The following SP5 variants were observed in gnomAD, a reference collection of about 807,000 sequenced individuals.
SP5 encodes the protein Sp5 transcription factor.
A neutral mutation model predicts 27.4 loss-of-function variants in SP5; 12 were observed. That is an observed-to-expected ratio of 0.44 (90% confidence interval 0.28 to 0.71). The LOEUF (loss-of-function observed/expected upper bound fraction) is 0.71. Ranked by LOEUF, SP5 falls within the 30% of genes least tolerant of loss-of-function variation. SP5 has a pLI of 0.15. For synonymous variants in SP5, 330 were observed against 290.7 expected (o/e 1.14, Z -1.38); for missense variants, 660 against 589.8 (o/e 1.12, Z -1.23).
chr2:170,716,623 C>A lies in SP5; in HGVS notation c.416C>A (p.Pro139His). The A allele has an allele frequency of 1.2e-6, 2 of 1,607,856 alleles. No individual in the cohort carries two copies. The highest frequency in any genetic ancestry group is 8.5e-7 in the Non-Finnish European group (1 of 1,178,206). ...KMLPSSMAAL[P>H]ASCAPAYVPY... ...CTGCCCTCGAGCATGGCGGCTCTGC[C>A]CGCCAGCTGCGCGCCCGCCTACGTG... Residue 139 changes from proline to histidine, a missense_variant, in exon 2 of 2, where the codon CCC becomes CAC. By Grantham distance (77) the Pro-to-His change is moderately conservative. Coordinates refer to ENST00000375281, the MANE Select transcript of SP5 (RefSeq NM_001003845.3).
intron 1 of SP5, chr2:170,715,897 A>G (rs1420713494): frequency 7.5e-7 from 1 of 1,326,858 alleles, no homozygotes; most frequent in Non-Finnish European, 9.6e-7. Context: ...TGGGAGGGAG[A>G]GCGGCCGGCC....
Position 170,717,181 on chromosome 2 carries a change from C to T in SP5, c.974C>T (p.Pro325Leu), listed in dbSNP as rs1030444920. The change falls in exon 2 of 2, where the codon CCC (proline) becomes CTC (leucine). Residue 325 changes from proline to leucine, a missense_variant. Physicochemically the swap from Pro to Leu is moderately conservative, Grantham distance 98. Transcript: ENST00000375281. Reference protein sequence around the residue: ...AHLRWHTGERPFVCNWLFCGK... With the variant: ...AHLRWHTGERLFVCNWLFCGK... ...CTGCGCTGGCACACGGGCGAGCGAC[C>T]CTTCGTGTGCAACTGGCTCTTCTGC... 3.1e-6 allele frequency: 5 copies of T among 1,607,900 alleles called. No homozygotes were observed. Among genetic ancestry groups the T allele is most frequent in the Non-Finnish European group, 4.2e-6 (5 of 1,178,050 alleles).
At position 170,717,263 on chromosome 2, in the gene SP5, C is replaced by G; in HGVS notation, c.1056C>G (p.Gly352=). The G allele has an allele frequency of 3.7e-6, 6 of 1,609,722 alleles. No homozygotes were observed. Among genetic ancestry groups the G allele is most frequent in the Non-Finnish European group, 4.2e-6 (5 of 1,179,490 alleles). The change falls in exon 2 of 2, where the codon GGC becomes GGG. Residue 352 remains glycine (G), a synonymous_variant. Transcript: ENST00000375281. ...ELQRHLRTHT[G]EKRFACPECG... is the part of the protein sequence containing the mutation. ...AGCGGCACCTGCGGACTCACACGGG[C>G]GAGAAGCGCTTTGCCTGTCCCGAGT...
In SP5 at chr2:170,716,927, G is replaced by A. The variant is rs1426358878; in HGVS notation, c.720G>A (p.Leu240=). 4 of 1,546,240 alleles carry A rather than the reference G, an allele frequency of 2.6e-6. No homozygotes were observed. The highest frequency in any genetic ancestry group is 3.5e-6 in the Non-Finnish European group (4 of 1,145,834). The change falls in exon 2 of 2, where the codon CTG becomes CTA. Residue 240 remains leucine, a synonymous_variant. Coordinates refer to ENST00000375281, the MANE Select transcript of SP5 (RefSeq NM_001003845.3). ...AAAAAALQRG[L]VLGPSDFAQY... ...CCGCCGCCGCCCTACAAAGAGGCCT[G>A]GTGTTGGGCCCGTCGGACTTTGCGC...
At position 170,716,851 on chromosome 2, in the gene SP5, G is replaced by C; in HGVS notation, c.644G>C (p.Gly215Ala). ...PGSGLSGACA[G>A]APHAPRFPAS... ...AGCGGCCTCTCCGGCGCCTGTGCCG[G>C]GGCCCCCCACGCGCCCCGCTTCCCC... Residue 215 changes from glycine (G) to alanine (A), a missense_variant, in exon 2 of 2, where the codon GGG (glycine) becomes GCG (alanine). Physicochemically the swap from Gly to Ala is moderately conservative, Grantham distance 60. Coordinates refer to ENST00000375281, the MANE Select transcript of SP5 (RefSeq NM_001003845.3). 1 of 1,444,434 alleles carries C rather than the reference G, an allele frequency of 6.9e-7. No individual in the cohort carries two copies. Among genetic ancestry groups the C allele is most frequent in the Non-Finnish European group, 9.1e-7 (1 of 1,103,050 alleles). 89.5% of individuals were successfully genotyped at this position (1,444,434 alleles called of 1,614,324 possible). A position where few individuals can be genotyped will look rare whatever the true frequency, so the allele number is the denominator to read the frequency against.
Position 170,716,695 on chromosome 2 carries a change from T to TGCCTCCGCC in SP5, c.492_500dup (p.Pro171_Pro173dup), listed in dbSNP as rs1553561434. 6.5e-7 allele frequency: 1 copy of TGCCTCCGCC among 1,535,772 alleles called. No individual in the cohort carries two copies. Among genetic ancestry groups the TGCCTCCGCC allele is most frequent in the Non-Finnish European group, 8.7e-7 (1 of 1,150,682 alleles). On this transcript the variant is annotated inframe_insertion, in exon 2 of 2. Transcript: ENST00000375281. ...CTGCCGCCAGGCTACTCCAACCTGC[T>TGCCTCCGCC]GCCTCCGCCGCCGCCACCGCCCCCG...
chr2:170,716,867 C>T lies in SP5; in HGVS notation c.660C>T (p.Pro220=). The change falls in exon 2 of 2, where the codon CCC becomes CCT. Residue 220 remains proline (P), a synonymous_variant. Transcript: ENST00000375281. ...SGACAGAPHA[P]RFPASAAAAA... is the part of the protein sequence containing the mutation. ...CCTGTGCCGGGGCCCCCCACGCGCCCCGCTTCCCCGCCTCTGCGGCCGCTG... is the reference window on the plus strand; with the variant it reads ...CCTGTGCCGGGGCCCCCCACGCGCCTCGCTTCCCCGCCTCTGCGGCCGCTG... 6.8e-7 allele frequency: 1 copy of T among 1,469,574 alleles called. No homozygotes were observed. The highest frequency in any genetic ancestry group is 9.0e-7 in the Non-Finnish European group (1 of 1,114,070). The allele number at this position is 1,469,574 out of a possible 1,614,324, so 91.0% of individuals were successfully genotyped here. A position where few individuals can be genotyped will look rare whatever the true frequency, so the allele number is the denominator to read the frequency against.
At position 170,716,369 on chromosome 2, in the gene SP5, C is replaced by T; in HGVS notation, c.162C>T (p.Phe54=). The T allele has an allele frequency of 1.3e-6, 2 of 1,597,150 alleles. No individual in the cohort carries two copies. Among genetic ancestry groups the T allele is most frequent in the Admixed American group, 1.7e-5 (1 of 59,864 alleles). Residue 54 remains phenylalanine, a synonymous_variant, in exon 2 of 2, where the codon TTC becomes TTT. Coordinates refer to ENST00000375281, the MANE Select transcript of SP5 (RefSeq NM_001003845.3). ...GQPGAAAPPD[F]LQVPYDPALG... ...CGGGCGCGGCGGCGCCCCCGGACTT[C>T]CTGCAGGTGCCCTACGACCCCGCGC...
In SP5 at chr2:170,715,592, GA is replaced by G. The variant is rs1360301309; in HGVS notation, c.51+32del. On this transcript the variant is annotated intron_variant, in intron 1 of 1. Coordinates refer to ENST00000375281, the MANE Select transcript of SP5 (RefSeq NM_001003845.3). ...AGGGCCGAGCCCGGAGGGGGCGGGA[GA>G]AAGGTGGAAAGGGCCGTGTCCGGAT... 4 of 1,544,440 alleles carry G rather than the reference GA, an allele frequency of 2.6e-6. No homozygotes were observed. The African/African-American group carries it at 4.2e-5, about 16-fold the overall frequency.
chr2:170,715,442 C>T lies in SP5; in HGVS notation c.-71C>T. Reference sequence around the variant, plus strand: ...GGAGGCAGGCTGGGCGGCCCTTCGTCCTCGCCTTCGGGTGTCCATGCCTCG... The same window carrying T: ...GGAGGCAGGCTGGGCGGCCCTTCGTTCTCGCCTTCGGGTGTCCATGCCTCG... On this transcript the variant is annotated 5_prime_UTR_variant, in exon 1 of 2. Coordinates refer to ENST00000375281, the MANE Select transcript of SP5 (RefSeq NM_001003845.3). The T allele has an allele frequency of 6.5e-7, 1 of 1,530,848 alleles. No homozygotes were observed. The highest frequency in any genetic ancestry group is 8.8e-7 in the Non-Finnish European group (1 of 1,138,674). The allele number at this position is 1,530,848 out of a possible 1,614,324, so 94.8% of individuals were successfully genotyped here. A position where few individuals can be genotyped will look rare whatever the true frequency, so the allele number is the denominator to read the frequency against.
chr2:170,717,722 A>G lies in SP5; in HGVS notation c.*318A>G. 1 of 448,518 alleles carries G rather than the reference A, an allele frequency of 2.2e-6. No individual in the cohort carries two copies. The highest frequency in any genetic ancestry group is 4.0e-6 in the Non-Finnish European group (1 of 247,922). The allele number at this position is 448,518 out of a possible 1,614,324, so 27.8% of individuals were successfully genotyped here. Reference sequence around the variant, plus strand: ...ACCACCCTGGTCTGGCCTTGTATATAGGAAATGCTGCTGAACTGAATAGAA... The same window carrying G: ...ACCACCCTGGTCTGGCCTTGTATATGGGAAATGCTGCTGAACTGAATAGAA... On this transcript the variant is annotated 3_prime_UTR_variant, in exon 2 of 2. Coordinates refer to ENST00000375281, the MANE Select transcript of SP5 (RefSeq NM_001003845.3).
chr2:170,715,395 C>T lies in SP5; in HGVS notation c.-118C>T. The T allele has an allele frequency of 1.5e-6, 2 of 1,346,382 alleles. No individual in the cohort carries two copies. Among genetic ancestry groups the T allele is most frequent in the South Asian group, 1.6e-5 (1 of 63,256 alleles). 83.4% of individuals were successfully genotyped at this position (1,346,382 alleles called of 1,614,324 possible). A position where few individuals can be genotyped will look rare whatever the true frequency, so the allele number is the denominator to read the frequency against. On this transcript the variant is annotated 5_prime_UTR_variant, in exon 1 of 2. Transcript: ENST00000375281. ...CGAGGGGCAAGGGCGGGGAGGGCCC[C>T]GGCGCTCAGAGCAGGCGCCAGGGAG...
In SP5 at chr2:170,717,545, C is replaced by A; in HGVS notation, c.*141C>A. 1.7e-6 allele frequency: 2 copies of A among 1,173,660 alleles called. No homozygotes were observed. Among genetic ancestry groups the A allele is most frequent in the Non-Finnish European group, 1.2e-6 (1 of 846,598 alleles). 72.7% of individuals were successfully genotyped at this position (1,173,660 alleles called of 1,614,324 possible). A position where few individuals can be genotyped will look rare whatever the true frequency, so the allele number is the denominator to read the frequency against. The stretch of plus-strand genomic sequence containing the variant: ...AATGGAGCCAGGCTTCCAACTTCCG[C>A]TGCCTTCGGACATAGGGACCCAGTT... On this transcript the variant is annotated 3_prime_UTR_variant, in exon 2 of 2. Coordinates refer to ENST00000375281, the MANE Select transcript of SP5 (RefSeq NM_001003845.3).
At chr2:170,716,114 T>G (rs1575381216) in intron 1 of SP5, 145 bp from the exon 2 acceptor site, 9 of 1,375,898 alleles carry the variant, frequency 6.5e-6, no homozygotes, top group Middle Eastern at 2.6e-4. Flanking sequence ...GGTGCGTGCG[T>G]GGGGTGCGGT....
chr2:170,716,059 C>G (rs981723901), intron 1 of SP5, 200 bp from the exon 2 acceptor site: 43 of 1,396,034 alleles, frequency 3.1e-5, no homozygotes, highest in African/African-American at 7.6e-5. Flanking sequence ...CTCGCGGGCC[C>G]CACGTTCAGG....
rs1265358238 is a variant in SP5, at chr2:170,716,429, C to A, written c.222C>A (p.Thr74=). 1.2e-6 allele frequency: 2 copies of A among 1,601,642 alleles called. No homozygotes were observed. Among genetic ancestry groups the A allele is most frequent in the South Asian group, 1.1e-5 (1 of 90,816 alleles). The change falls in exon 2 of 2, where the codon ACC becomes ACA. Residue 74 remains threonine (T), a synonymous_variant. Transcript: ENST00000375281. The stretch of plus-strand genomic sequence containing the variant: ...CCTCCAGGCTCTTCCACCCGTGGAC[C>A]GCCGACATGCCGGCGCACTCGCCAG... ...GSPSRLFHPW[T]ADMPAHSPGA...
Position 170,716,711 on chromosome 2 carries a change from A to ACCGCCC in SP5, c.510_515dup (p.Pro172_Pro173dup), listed in dbSNP as rs746637283. 1.3e-4 allele frequency: 200 copies of ACCGCCC among 1,489,516 alleles called. No individual in the cohort carries two copies. In the East Asian group the frequency reaches 3.8e-3, roughly 28 times the overall value. 92.3% of individuals were successfully genotyped at this position (1,489,516 alleles called of 1,614,324 possible). A position where few individuals can be genotyped will look rare whatever the true frequency, so the allele number is the denominator to read the frequency against. On this transcript the variant is annotated inframe_insertion, in exon 2 of 2. Coordinates refer to ENST00000375281, the MANE Select transcript of SP5 (RefSeq NM_001003845.3). ...CCAACCTGCTGCCTCCGCCGCCGCC[A>ACCGCCC]CCGCCCCCGCCGCCCACCTGCCGCC...
In SP5 at chr2:170,716,363, G is replaced by A. The variant is rs755223606; in HGVS notation, c.156G>A (p.Pro52=). 7 of 1,596,478 alleles carry A rather than the reference G, an allele frequency of 4.4e-6. No individual in the cohort carries two copies. Among genetic ancestry groups the A allele is most frequent in the Non-Finnish European group, 5.1e-6 (6 of 1,178,702 alleles). The change falls in exon 2 of 2, where the codon CCG becomes CCA. Residue 52 remains proline (P), a synonymous_variant. Coordinates refer to ENST00000375281, the MANE Select transcript of SP5 (RefSeq NM_001003845.3). ...RIGQPGAAAP[P]DFLQVPYDPA... ...GCCAGCCGGGCGCGGCGGCGCCCCC[G>A]GACTTCCTGCAGGTGCCCTACGACC...
Position 170,717,549 on chromosome 2 carries a change from C to T in SP5, c.*145C>T, listed in dbSNP as rs1221227671. ...GAGCCAGGCTTCCAACTTCCGCTGC[C>T]TTCGGACATAGGGACCCAGTTCCCA... is the stretch of plus-strand genomic sequence containing the variant. On this transcript the variant is annotated 3_prime_UTR_variant, in exon 2 of 2. Coordinates refer to ENST00000375281, the MANE Select transcript of SP5 (RefSeq NM_001003845.3). 4.1e-5 allele frequency: 47 copies of T among 1,137,224 alleles called. No homozygotes were observed. Among genetic ancestry groups the T allele is most frequent in the Non-Finnish European group, 4.8e-5 (39 of 815,232 alleles). 70.4% of individuals were successfully genotyped at this position (1,137,224 alleles called of 1,614,324 possible).
Sources: allele counts gnomAD v4.1 joint callset, GRCh38; gene constraint gnomAD v4.1.1; transcripts MANE v1.5; gene names NCBI Gene and HGNC (gene_info 2026-07-23, HGNC 2026-07-21).